The following ANO6 variants were observed in gnomAD, a reference collection of about 807,000 sequenced individuals.
ANO6 encodes anoctamin 6.
A neutral mutation model predicts 117.5 loss-of-function variants in ANO6; 106 were observed. The ratio of observed to expected loss-of-function variants is 0.90; its 90% CI spans 0.77 to 1.06. ANO6 has a LOEUF of 1.06. Ranked by LOEUF, ANO6 falls within the 50% of genes least tolerant of loss-of-function variation. The pLI, the probability that ANO6 is intolerant of heterozygous loss-of-function variation, is 0.00. For missense variants in ANO6, 955 were observed against 1,121.1 expected (o/e 0.85, Z 2.12); for synonymous variants, 367 against 385.1 (o/e 0.95, Z 0.55).
At chr12:45,371,387 T>TA (rs965371637) in intron 9 of ANO6, among the ~76,000 whole-genome samples, 2 of 152,212 alleles carry the variant, frequency 1.3e-5, no homozygotes, top group Admixed American at 6.5e-5. Context: ...CCTGCCTCTG[T>TA]AGGCTCCACC....
At chr12:45,321,270 T>C (rs988203984) in intron 2 of ANO6, among the ~76,000 whole-genome samples, 1 of 152,102 alleles carries the variant, frequency 6.6e-6, no homozygotes, top group African/African-American at 2.4e-5. Context: ...ACTCAACAAG[T>C]GGTAGTTTAT....
intron 1 of ANO6, among the ~76,000 whole-genome samples, chr12:45,290,168 A>G (rs1939048448): frequency 6.6e-6 from 1 of 152,236 alleles, no homozygotes; most frequent in East Asian, 1.9e-4. Flanking sequence ...ATATACATGT[A>G]AAATTTTTTT....
chr12:45,258,874 C>T (rs1220027155), intron 1 of ANO6, among the ~76,000 whole-genome samples: 2 of 152,150 alleles, frequency 1.3e-5, no homozygotes, highest in Non-Finnish European at 2.9e-5. Flanking sequence ...AGTCCATGCC[C>T]TCAGGTTGCC....
intron 12 of ANO6, among the ~76,000 whole-genome samples, chr12:45,392,109 G>A (rs980696767): frequency 6.6e-6 from 1 of 152,314 alleles, no homozygotes; most frequent in Non-Finnish European, 1.5e-5. Context: ...AAGGGAAGCC[G>A]TGACAGACTA....
chr12:45,356,895 A>G (rs2137473376), intron 7 of ANO6, among the ~76,000 whole-genome samples: 1 of 152,360 alleles, frequency 6.6e-6, no homozygotes, highest in East Asian at 1.9e-4. Flanking sequence ...AGTTAAGTAA[A>G]AGCAAATAAC....
Position 45,388,244 on chromosome 12 carries a change from C to T in ANO6, c.1249C>T (p.Gln417Ter), listed in dbSNP as rs371836820. 6 of 1,614,002 alleles carry T rather than the reference C, an allele frequency of 3.7e-6. No individual in the cohort carries two copies. The highest frequency in any genetic ancestry group is 5.1e-6 in the Non-Finnish European group (6 of 1,180,000). Residue 417 changes from glutamine to a stop codon, truncating the protein, a stop_gained, in exon 11 of 20, where the codon CAA becomes TAA. Coordinates refer to ENST00000320560, the MANE Select transcript of ANO6 (RefSeq NM_001025356.3). LOFTEE classifies it high-confidence loss of function. ...TACTGTTGAGTTACAGCAGGAAGAA[C>T]AAGCCCGACCAGAATACGAAGCACG... Reference protein sequence around the residue: ...WDTVELQQEEQARPEYEARCT... With the variant: ...WDTVELQQEE
chr12:45,259,943 G>A (rs1393101861), intron 1 of ANO6, among the ~76,000 whole-genome samples: 4 of 152,206 alleles, frequency 2.6e-5, no homozygotes, highest in East Asian at 1.9e-4. Flanking sequence ...CCTCCATGGC[G>A]AGTAAAGAGA....
rs765057629 is a variant in ANO6, at chr12:45,347,965, A to G, written c.346-63A>G. On this transcript the variant is annotated intron_variant, in intron 4 of 19. Transcript: ENST00000320560. ...GCTACCAACAACATAAGAAAAATCTATGTGTTTTAAAATTGTGAAAAGAGT... is the reference window on the plus strand; with the variant it reads ...GCTACCAACAACATAAGAAAAATCTGTGTGTTTTAAAATTGTGAAAAGAGT... 454 of 1,499,208 alleles carry G rather than the reference A, an allele frequency of 3.0e-4. 2 individuals are homozygous for G. The highest frequency in any genetic ancestry group is 3.2e-4 in the Non-Finnish European group (343 of 1,086,690). The allele number at this position is 1,499,208 out of a possible 1,614,324, so 92.9% of individuals were successfully genotyped here.
intron 16 of ANO6, among the ~76,000 whole-genome samples, chr12:45,411,393 T>G (rs1312691630): frequency 6.6e-6 from 1 of 152,216 alleles, no homozygotes; most frequent in Non-Finnish European, 1.5e-5. Flanking sequence ...ATCTAATGAC[T>G]TAGAAAACTT....
Position 45,378,129 on chromosome 12 carries a change from T to G in ANO6, c.1165+16T>G. The G allele has an allele frequency of 6.2e-7, 1 of 1,605,604 alleles. No homozygotes were observed. The highest frequency in any genetic ancestry group is 8.5e-7 in the Non-Finnish European group (1 of 1,175,980). ...GGAGTATGGGGTAAGTTTTTTTTTT[T>G]TTTTTCATGCACTCAATTTGATAGT... On this transcript the variant is annotated intron_variant, in intron 10 of 19. Transcript: ENST00000320560.
At chr12:45,366,222 ATTT>A (rs553308276) in intron 8 of ANO6, among the ~76,000 whole-genome samples, 132 of 148,748 alleles carry the variant, frequency 8.9e-4, no homozygotes, top group African/African-American at 2.8e-3. Context: ...TGTGGCTTAT[ATTT>A]TTCTCCCTTT....
intron 2 of ANO6, among the ~76,000 whole-genome samples, chr12:45,308,345 C>T (rs1027402248): frequency 6.6e-5 from 10 of 151,924 alleles, no homozygotes; most frequent in African/African-American, 2.4e-4. Flanking sequence ...TATTGGGACA[C>T]AGATGAAATT....
At chr12:45,395,380 A>G (rs943026346) in intron 12 of ANO6, among the ~76,000 whole-genome samples, 18 of 152,246 alleles carry the variant, frequency 1.2e-4, no homozygotes, top group African/African-American at 4.3e-4. Context: ...GTCCAGGACC[A>G]GAAGGATTCA....
rs763846270 is a variant in ANO6, at chr12:45,431,680, G to A, written c.*2369G>A. ...TTGTTAGTGAGTCCACGGCTGACTT[G>A]CAGTGATAAAGAAAAGCATGGAGCT... On this transcript the variant is annotated 3_prime_UTR_variant, in exon 20 of 20. Transcript: ENST00000320560. 3 of 985,424 alleles carry A rather than the reference G, an allele frequency of 3.0e-6. No individual in the cohort carries two copies. The highest frequency in any genetic ancestry group is 3.6e-6 in the Non-Finnish European group (3 of 829,940). 61.0% of individuals were successfully genotyped at this position (985,424 alleles called of 1,614,324 possible).
At chr12:45,357,101 T>C (rs571591431) in intron 7 of ANO6, among the ~76,000 whole-genome samples, 189 bp from the exon 8 acceptor site, 1 of 152,352 alleles carries the variant, frequency 6.6e-6, no homozygotes, top group South Asian at 2.1e-4. Context: ...AGTTCTTCCA[T>C]AATGTGTAAT....
chr12:45,385,541 G>T (rs756373260), intron 10 of ANO6, among the ~76,000 whole-genome samples: 2 of 152,088 alleles, frequency 1.3e-5, no homozygotes, highest in Non-Finnish European at 2.9e-5. Flanking sequence ...TTGGCTCATG[G>T]GTGGCTCATT....
rs757184687 is a variant in ANO6 at position 45,432,270 on chromosome 12, AATT to A, written c.*2964_*2966del. 234 of 942,192 alleles carry A rather than the reference AATT, an allele frequency of 2.5e-4. 1 individual carries two copies. In the Admixed American group the frequency reaches 2.5e-3, roughly 10 times the overall value. The allele number at this position is 942,192 out of a possible 1,614,324, so 58.4% of individuals were successfully genotyped here. A position where few individuals can be genotyped will look rare whatever the true frequency, so the allele number is the denominator to read the frequency against. ...TCTGTGCATTTTAATATTCTTTTAT[AATT>A]ATTAATGTTAATTTCTGTGCATTTT... On this transcript the variant is annotated 3_prime_UTR_variant, in exon 20 of 20. Coordinates refer to ENST00000320560, the MANE Select transcript of ANO6 (RefSeq NM_001025356.3).
At chr12:45,383,001 T>C (rs907668752) in intron 10 of ANO6, among the ~76,000 whole-genome samples, 2 of 152,214 alleles carry the variant, frequency 1.3e-5, no homozygotes, top group African/African-American at 2.4e-5. Context: ...AAGAGTTCTC[T>C]AGCATGTGAT....
intron 1 of ANO6, among the ~76,000 whole-genome samples, chr12:45,260,743 A>G (rs1937998366): frequency 6.6e-6 from 1 of 152,018 alleles, no homozygotes; most frequent in Non-Finnish European, 1.5e-5. Context: ...AAGGAATGAA[A>G]GATTTTATCA....
Sources: gnomAD v4.1 joint callset for allele counts (sites outside exome capture counted in the v4.1 genomes callset) on GRCh38, gnomAD v4.1.1 for gene constraint, MANE v1.5 for transcripts, NCBI Gene and HGNC (gene_info 2026-07-23, HGNC 2026-07-21) for gene names.